Variants in MYO3B observed in about 807,000 individuals in gnomAD.
The protein encoded by MYO3B is myosin-IIIb.
MYO3B carries 156 observed loss-of-function variants against 174.6 expected under a neutral mutation model. The observed-to-expected ratio is 0.89, with a 90% CI of 0.78 to 1.02. The LOEUF (loss-of-function observed/expected upper bound fraction) is 1.02, where lower values mean the gene tolerates loss of function less well. MYO3B is among the 50% of genes least tolerant of loss of function. The pLI is 0.00. For missense variants in MYO3B, 1,632 were observed against 1,639.4 expected (o/e 1.00, Z 0.08); for synonymous variants, 563 against 569.1 (o/e 0.99, Z 0.15).
chr2:170,532,886 A>G (rs981446228), intron 30 of MYO3B, among the ~76,000 whole-genome samples: 7 of 152,058 alleles, frequency 4.6e-5, no homozygotes, highest in Admixed American at 3.3e-4. Flanking sequence ...AAAATTATGC[A>G]TGTTTGTATG....
chr2:170,477,701 A>G (rs748319890), intron 25 of MYO3B, among the ~76,000 whole-genome samples: 8 of 150,670 alleles, frequency 5.3e-5, no homozygotes, highest in African/African-American at 1.2e-4. Flanking sequence ...TAGATTCTAC[A>G]TACTAGATTC....
At chr2:170,435,281 G>A (rs1194126603) in intron 22 of MYO3B, among the ~76,000 whole-genome samples, 2 of 152,188 alleles carry the variant, frequency 1.3e-5, no homozygotes, top group East Asian at 3.9e-4. Flanking sequence ...TTAGGACTGG[G>A]TAAGGATCAT....
intron 32 of MYO3B, among the ~76,000 whole-genome samples, chr2:170,633,579 C>G (rs1268002231): frequency 6.6e-6 from 1 of 152,192 alleles, no homozygotes; most frequent in African/African-American, 2.4e-5. Flanking sequence ...GATGCCCTCT[C>G]TCACCACTCC....
At chr2:170,507,823 C>G (rs1456545697) in intron 28 of MYO3B, among the ~76,000 whole-genome samples, 1 of 152,150 alleles carries the variant, frequency 6.6e-6, no homozygotes, top group Non-Finnish European at 1.5e-5. Flanking sequence ...TGGTGTAGTA[C>G]AGAGACAGGA....
intron 7 of MYO3B, among the ~76,000 whole-genome samples, chr2:170,324,430 A>G (rs1027841160): frequency 6.6e-6 from 1 of 152,196 alleles, no homozygotes; most frequent in South Asian, 2.1e-4. Context: ...CTTTTTAAGT[A>G]GGGGAAGAGG....
At chr2:170,284,478 A>G (rs2093539355) in intron 7 of MYO3B, among the ~76,000 whole-genome samples, 1 of 152,176 alleles carries the variant, frequency 6.6e-6, no homozygotes, top group African/African-American at 2.4e-5. Flanking sequence ...AGAGGCAGGC[A>G]GAGTGAGGAC....
intron 8 of MYO3B, chr2:170,344,077 G>A (rs867048894): frequency 6.6e-6 from 1 of 152,190 alleles, no homozygotes; most frequent in Admixed American, 6.5e-5. Flanking sequence ...TTTCCATTCC[G>A]TGGAACCTCA....
intron 11 of MYO3B, 91 bp downstream of exon 11, chr2:170,383,280 T>G: frequency 1.3e-6 from 1 of 798,482 alleles, no homozygotes; most frequent in South Asian, 1.6e-5. Flanking sequence ...AGAATAAAAT[T>G]ATGCTACCCT....
intron 6 of MYO3B, among the ~76,000 whole-genome samples, chr2:170,224,349 A>G (rs547942915): frequency 5.3e-5 from 8 of 152,322 alleles, no homozygotes; most frequent in African/African-American, 1.4e-4. Flanking sequence ...TTCAGAGAGC[A>G]TGGGAATGCA....
chr2:170,379,598 T>A (rs10497364), intron 9 of MYO3B, among the ~76,000 whole-genome samples: 1 of 152,034 alleles, frequency 6.6e-6, no homozygotes, highest in East Asian at 1.9e-4. Flanking sequence ...TTTAACAAAA[T>A]GGCTAGCTAG....
At chr2:170,357,658 C>T (rs2094132500) in intron 8 of MYO3B, among the ~76,000 whole-genome samples, 1 of 151,818 alleles carries the variant, frequency 6.6e-6, no homozygotes, top group Non-Finnish European at 1.5e-5. Flanking sequence ...ATTTCTGGAA[C>T]AAGATGGAAT....
chr2:170,648,461 C>A (rs1698546799), intron 32 of MYO3B, among the ~76,000 whole-genome samples: 1 of 151,580 alleles, frequency 6.6e-6, no homozygotes, highest in South Asian at 2.1e-4. Context: ...GAAACCCCAT[C>A]TCTATTAAAA....
At chr2:170,250,891 A>G (rs1018944524) in intron 7 of MYO3B, among the ~76,000 whole-genome samples, 1 of 151,660 alleles carries the variant, frequency 6.6e-6, no homozygotes, top group Non-Finnish European at 1.5e-5. Flanking sequence ...GACTCTCCTT[A>G]TCTTCTCATG....
intron 32 of MYO3B, among the ~76,000 whole-genome samples, chr2:170,565,513 A>G (rs1268689665): frequency 6.6e-6 from 1 of 152,188 alleles, no homozygotes; most frequent in Non-Finnish European, 1.5e-5. Context: ...GGTAGTCTCT[A>G]AGGGAGAAAT....
chr2:170,211,967 G>A (rs1023684627), intron 3 of MYO3B, among the ~76,000 whole-genome samples: 2 of 151,644 alleles, frequency 1.3e-5, no homozygotes, highest in Non-Finnish European at 2.9e-5. Flanking sequence ...AAGCCAGCTG[G>A]GTTCTGTGGC....
intron 14 of MYO3B, 34 bp from the exon 15 acceptor site, chr2:170,391,486 A>C: frequency 9.2e-7 from 1 of 1,081,844 alleles, no homozygotes; most frequent in Non-Finnish European, 1.3e-6. Flanking sequence ...GGGAAGCCAG[A>C]ATATATTATT....
chr2:170,314,062 C>G (rs1449894761), intron 7 of MYO3B, among the ~76,000 whole-genome samples: 2 of 152,142 alleles, frequency 1.3e-5, no homozygotes, highest in South Asian at 2.1e-4. Context: ...CTCCCTACAG[C>G]CCCCCTGCCA....
At chr2:170,563,430 G>A (rs1159243585) in intron 32 of MYO3B, among the ~76,000 whole-genome samples, 1 of 152,130 alleles carries the variant, frequency 6.6e-6, no homozygotes, top group Non-Finnish European at 1.5e-5. Context: ...CTTCAGTTAA[G>A]GACACAGTCA....
chr2:170,338,696 G>A (rs888071197), intron 8 of MYO3B, among the ~76,000 whole-genome samples: 2 of 152,028 alleles, frequency 1.3e-5, no homozygotes, highest in Admixed American at 6.6e-5. Context: ...TTGGCCTCCC[G>A]GGATCAAATG....
Sources: allele counts gnomAD v4.1 joint callset (sites outside exome capture counted in the v4.1 genomes callset), GRCh38; gene constraint gnomAD v4.1.1; transcripts MANE v1.5; gene names NCBI Gene and HGNC (gene_info 2026-07-23, HGNC 2026-07-21).